The following DOCK9 variants were observed in gnomAD, a reference collection of about 807,000 sequenced individuals.
The protein encoded by DOCK9 is dedicator of cytokinesis protein 9.
A neutral mutation model predicts 263.3 loss-of-function variants in DOCK9; 89 were observed. The observed-to-expected ratio is 0.34, with a 90% CI of 0.28 to 0.40. The LOEUF is 0.40. DOCK9 is among the 10% of genes least tolerant of loss of function. DOCK9 has a pLI of 1.00. For synonymous variants in DOCK9, 976 were observed against 973.1 expected, an observed-to-expected ratio of 1.00 and a Z score of -0.06; for missense variants, 2,140 against 2,603.4, an observed-to-expected ratio of 0.82 and a Z score of 3.87.
rs2050501241 is a variant in DOCK9, at chr13:98,914,144, T to C, written c.960+184A>G. Among the ~76,000 whole-genome samples, 5 of 152,314 alleles carry C rather than the reference T, an allele frequency of 3.3e-5. No individual in the cohort carries two copies. The South Asian group carries it at 1.0e-3, about 32-fold the overall frequency. On this transcript the variant is annotated intron_variant, in intron 9 of 52. Coordinates refer to ENST00000682017, the MANE Select transcript of DOCK9 (RefSeq NM_001366683.2). The stretch of plus-strand genomic sequence containing the variant: ...GGAGAATGCTTTGTAGGGTACTTTT[T>C]AGAAGACAGACCTGAAATCATACTG...
At position 98,977,842 on chromosome 13, in the gene DOCK9, A is replaced by G. The variant is rs778863332; in HGVS notation, c.68T>C (p.Leu23Pro). 1.2e-6 allele frequency: 2 copies of G among 1,608,472 alleles called. No individual in the cohort carries two copies. Among genetic ancestry groups the G allele is most frequent in the African/African-American group, 2.7e-5 (2 of 74,856 alleles). ...VKKELVIESPLQYKDAAQGEV... is the reference protein window; with the variant it reads ...VKKELVIESPPQYKDAAQGEV... ...GCCCTGAGCTGCATCCTTGTATTGC[A>G]GGGGGGACTCAATCACCAGTTCCTT... The change falls in exon 1 of 53, where the codon CTG (leucine) becomes CCG (proline). Residue 23 changes from leucine to proline, a missense_variant. Leu to Pro is a moderately conservative substitution (Grantham distance 98, BLOSUM62 -3). This residue lies in a region of DOCK9 where 1,521 missense variants were observed against 1,741.7 expected (regional missense o/e 0.87). Transcript: ENST00000682017.
At chr13:99,030,006 C>G (rs1887164915) in intron 1 of DOCK9, among the ~76,000 whole-genome samples, 1 of 152,182 alleles carries the variant, frequency 6.6e-6, no homozygotes, top group Non-Finnish European at 1.5e-5. Context: ...AGATACATCT[C>G]AAAAGGGACC....
rs10683281 is a variant in DOCK9, at chr13:98,817,451, CTTTTTTTT to C, written c.5130+6939_5130+6946del. ...TGTGAGAACAGACTAATACACCCAG[CTTTTTTTT>C]TTTTTTTTTTTTTGGTAGGGATAGG... On this transcript the variant is annotated intron_variant, in intron 45 of 52. Transcript: ENST00000682017. 9.7e-4 allele frequency among the ~76,000 whole-genome samples: 95 copies of C among 97,606 alleles called. 1 individual carries two copies. The highest frequency in any genetic ancestry group is 7.9e-3 in the Middle Eastern group (1 of 126). The allele number at this position is 97,606 out of a possible 152,430, so 64.0% of individuals were successfully genotyped here. A position where few individuals can be genotyped will look rare whatever the true frequency, so the allele number is the denominator to read the frequency against.
intron 1 of DOCK9, among the ~76,000 whole-genome samples, chr13:99,071,224 C>T (rs930043573): frequency 3.4e-5 from 5 of 145,332 alleles, no homozygotes; most frequent in Admixed American, 1.4e-4. Flanking sequence ...CTCACTGCAG[C>T]CTCAACCTCC....
rs184096802 is a variant in DOCK9, at chr13:98,902,708, A to G, written c.1177-217T>C. ...CTTTATGTGTTTTGCTACGTAATGT[A>G]TGTTCCATAGAAAACACAGTTGCGT... is the stretch of plus-strand genomic sequence containing the variant. On this transcript the variant is annotated intron_variant, in intron 11 of 52. Coordinates refer to ENST00000682017, the MANE Select transcript of DOCK9 (RefSeq NM_001366683.2). 3.9e-3 allele frequency among the ~76,000 whole-genome samples: 593 copies of G among 152,342 alleles called. 2 individuals carry two copies. Among genetic ancestry groups the G allele is most frequent in the African/African-American group, 0.014 (568 of 41,578 alleles).
chr13:98,851,515 G>C (rs983364847), intron 35 of DOCK9, among the ~76,000 whole-genome samples: 1 of 152,322 alleles, frequency 6.6e-6, no homozygotes, highest in South Asian at 2.1e-4. Flanking sequence ...CAGCGGCATG[G>C]GCAATGACGC....
chr13:98,864,745 A>G (rs973617882), intron 30 of DOCK9, among the ~76,000 whole-genome samples: 3 of 152,160 alleles, frequency 2.0e-5, no homozygotes, highest in African/African-American at 7.2e-5. Context: ...TCATGTTGAA[A>G]TGTGATCCCC....
intron 1 of DOCK9, among the ~76,000 whole-genome samples, chr13:98,987,318 A>G (rs1238407320): frequency 1.3e-5 from 2 of 151,522 alleles, no homozygotes; most frequent in Non-Finnish European, 1.5e-5. Flanking sequence ...TACATGTAAC[A>G]CAACGGGTTT....
intron 1 of DOCK9, among the ~76,000 whole-genome samples, chr13:99,012,981 C>G (rs757304189): frequency 6.6e-6 from 1 of 152,132 alleles, no homozygotes; most frequent in East Asian, 1.9e-4. Flanking sequence ...AGTTCAGGAC[C>G]GTAAAGCCAT....
intron 1 of DOCK9, among the ~76,000 whole-genome samples, chr13:98,969,977 A>G (rs1457649570): frequency 2.0e-5 from 3 of 152,102 alleles, no homozygotes; most frequent in South Asian, 2.1e-4. Flanking sequence ...ATTAACAACT[A>G]TATCTGTTGG....
At chr13:98,985,169 G>A (rs1330294493) in intron 1 of DOCK9, among the ~76,000 whole-genome samples, 2 of 152,128 alleles carry the variant, frequency 1.3e-5, no homozygotes, top group African/African-American at 4.8e-5. Context: ...AGAAACCTCT[G>A]TTTCCAGATG....
intron 1 of DOCK9, among the ~76,000 whole-genome samples, chr13:98,991,260 C>T (rs1231648973): frequency 2.6e-5 from 4 of 152,072 alleles, no homozygotes; most frequent in South Asian, 2.1e-4. Flanking sequence ...TTAGTAGAGA[C>T]GTGGTCTCAC....
intron 1 of DOCK9, among the ~76,000 whole-genome samples, chr13:99,051,897 G>T (rs1595989997): frequency 7.2e-6 from 1 of 138,260 alleles, no homozygotes; most frequent in African/African-American, 2.6e-5. Flanking sequence ...ACAATCTGCT[G>T]AATTTCCTCA....
chr13:98,985,805 G>GT (rs397824071), intron 1 of DOCK9, among the ~76,000 whole-genome samples: 1 of 31,928 alleles, frequency 3.1e-5, no homozygotes, highest in South Asian at 1.7e-3. Flanking sequence ...TTTGAGCGCT[G>GT]GTGAGGAGGG....
intron 1 of DOCK9, among the ~76,000 whole-genome samples, chr13:99,079,352 C>T (rs952976423): frequency 3.9e-5 from 6 of 152,228 alleles, no homozygotes; most frequent in African/African-American, 9.6e-5. Context: ...TGCCAAGCTT[C>T]AAGACTCAGC....
chr13:99,042,508 C>T (rs1888562207), intron 1 of DOCK9, among the ~76,000 whole-genome samples: 1 of 152,228 alleles, frequency 6.6e-6, no homozygotes, highest in Non-Finnish European at 1.5e-5. Flanking sequence ...ATCACTAACA[C>T]CCCAGACAGA....
intron 1 of DOCK9, among the ~76,000 whole-genome samples, chr13:99,039,453 G>C (rs1458179793): frequency 6.6e-6 from 1 of 152,170 alleles, no homozygotes; most frequent in African/African-American, 2.4e-5. Flanking sequence ...GCTCTTAAAT[G>C]AAACTGTGGG....
chr13:99,047,460 G>C (rs2040487487), intron 1 of DOCK9, among the ~76,000 whole-genome samples: 3 of 151,482 alleles, frequency 2.0e-5, no homozygotes, highest in Admixed American at 2.0e-4. Flanking sequence ...TCACTCCTTA[G>C]GTGTTGTCTG....
chr13:98,983,057 A>AGTT (rs1309376359), upstream of DOCK9, among the ~76,000 whole-genome samples: 2 of 152,230 alleles, frequency 1.3e-5, no homozygotes, highest in Non-Finnish European at 2.9e-5. Flanking sequence ...ACCTAACAGA[A>AGTT]GTTATTTACT....
Sources: gnomAD v4.1 joint callset for allele counts (sites outside exome capture counted in the v4.1 genomes callset) on GRCh38, gnomAD v4.1.1 for gene constraint, gnomAD v4.1.1 regional missense constraint, MANE v1.5 for transcripts, NCBI Gene and HGNC (gene_info 2026-07-23, HGNC 2026-07-21) for gene names.